RGPD3: variants seen among roughly 807,000 people sequenced by gnomAD.
RGPD3 encodes the protein RANBP2 like and GRIP domain containing 3, also known as ranBP2-like and GRIP domain-containing protein 3.
Under a neutral mutation model 154.5 loss-of-function variants are expected in RGPD3, and 62 were observed. That is an observed-to-expected ratio of 0.40 (90% CI 0.33 to 0.50). RGPD3 has a LOEUF of 0.50. Among genes scored for constraint, RGPD3 ranks in the 20% least tolerant of loss-of-function variants. The pLI is 0.59. For missense variants in RGPD3, 919 were observed against 1,716.8 expected (o/e 0.54, Z 8.21); for synonymous variants, 308 against 607.0 (o/e 0.51, Z 7.24).
At chr2:106,440,405 C>G (rs550122629) in intron 8 of RGPD3, among the ~76,000 whole-genome samples, 1 of 151,356 alleles carries the variant, frequency 6.6e-6, no homozygotes, top group Non-Finnish European at 1.5e-5. Context: ...TCGGGATGCC[C>G]AGATCAAAGA....
At chr2:106,470,849 G>T (rs1479048523), upstream of RGPD3, 24 of 1,602,886 alleles carry the variant, frequency 1.5e-5, 1 homozygote, top group South Asian at 2.0e-4. Flanking sequence ...GAGCACTAAC[G>T]CCATCTAGTG....
rs1573233111 is a variant in RGPD3, at chr2:106,405,221, A to C, written c.5275T>G (p.Ter1759GluextTer20). The change falls in exon 23 of 23, where the codon TAA (stop) becomes GAA (glutamate). Residue 1759 changes from the stop codon to glutamate (E), a stop_lost. Coordinates refer to ENST00000409886, the MANE Select transcript of RGPD3 (RefSeq NM_001144013.2). The stretch of plus-strand genomic sequence containing the variant: ...CATCCAGAAGAACGGGAAGCATTTT[A>C]TTCCTCACCTTTGGAAAGTAAAACA... ...KLAAVAQGEE[*>E] 24 of 1,609,442 alleles carry C rather than the reference A, an allele frequency of 1.5e-5. No homozygotes were observed. Among genetic ancestry groups the C allele is most frequent in the Non-Finnish European group, 2.0e-5 (23 of 1,178,816 alleles).
chr2:106,465,752 G>C lies in RGPD3; in HGVS notation c.72+2465C>G, dbSNP rs761814415. 1.1e-4 allele frequency among the ~76,000 whole-genome samples: 17 copies of C among 151,714 alleles called. 2 individuals are homozygous for C. The highest frequency in any genetic ancestry group is 6.3e-3 in the Middle Eastern group (2 of 316). ...AATTTTTTTTTTTTAAGCAAAGTCA[G>C]CTACCAAAGTGTTCCGGGCAGGGAG... On this transcript the variant is annotated intron_variant, in intron 1 of 22. Coordinates refer to ENST00000409886, the MANE Select transcript of RGPD3 (RefSeq NM_001144013.2).
chr2:106,437,974 C>A (rs1481808018), intron 9 of RGPD3, among the ~76,000 whole-genome samples: 1 of 152,228 alleles, frequency 6.6e-6, no homozygotes, highest in Non-Finnish European at 1.5e-5. Context: ...CTCTGTCGCC[C>A]AGGCTGTAGT....
upstream of RGPD3, among the ~76,000 whole-genome samples, chr2:106,470,517 T>C (rs1678787338): frequency 6.6e-6 from 1 of 151,966 alleles, no homozygotes; most frequent in Non-Finnish European, 1.5e-5. Context: ...GAGTCATGAG[T>C]CTTTCTTAAA....
At position 106,403,631 on chromosome 2, in the gene RGPD3, A is replaced by G. The variant is rs1432522798; in HGVS notation, c.*1588T>C. ...AATATATTTAAATATGATTAGTTAC[A>G]TCGTATGCAGCTGGCATACTCATAT... On this transcript the variant is annotated 3_prime_UTR_variant, in exon 23 of 23. Transcript: ENST00000409886. 2.6e-5 allele frequency among the ~76,000 whole-genome samples: 4 copies of G among 152,294 alleles called. No individual in the cohort carries two copies. Among genetic ancestry groups the G allele is most frequent in the East Asian group, 1.9e-4 (1 of 5,200 alleles).
In RGPD3 at chr2:106,405,109, T is replaced by C. The variant is rs1191439642; in HGVS notation, c.*110A>G. ...GAATGATGGTAATACACATGAACCA[T>C]TTTTGTAAATAGATTTTATTTGGTT... On this transcript the variant is annotated 3_prime_UTR_variant, in exon 23 of 23. Coordinates refer to ENST00000409886, the MANE Select transcript of RGPD3 (RefSeq NM_001144013.2). The C allele has an allele frequency of 1.3e-6, 2 of 1,515,850 alleles. No homozygotes were observed. Among genetic ancestry groups the C allele is most frequent in the African/African-American group, 2.8e-5 (2 of 71,512 alleles). The allele number at this position is 1,515,850 out of a possible 1,614,324, so 93.9% of individuals were successfully genotyped here.
chr2:106,440,304 T>TA (rs1282995978), intron 8 of RGPD3, among the ~76,000 whole-genome samples: 3 of 137,090 alleles, frequency 2.2e-5, no homozygotes, highest in South Asian at 2.4e-4. Flanking sequence ...TTGAACTTTT[T>TA]AAAAAAACCC....
intron 15 of RGPD3, 74 bp downstream of exon 15, chr2:106,434,154 A>C: frequency 1.3e-6 from 2 of 1,598,552 alleles, no homozygotes; most frequent in Non-Finnish European, 1.7e-6. Flanking sequence ...AAATTACCAA[A>C]ATATAAGACC....
intron 17 of RGPD3, among the ~76,000 whole-genome samples, chr2:106,432,679 GC>G (rs893163560): frequency 9.5e-6 from 1 of 104,808 alleles, no homozygotes; most frequent in Non-Finnish European, 1.9e-5. Flanking sequence ...TGGCTTCGTG[GC>G]AGGCTAAGCC....
intron 1 of RGPD3, among the ~76,000 whole-genome samples, chr2:106,465,583 A>T (rs1265796883): frequency 1.4e-5 from 2 of 138,602 alleles, no homozygotes; most frequent in East Asian, 2.2e-4. Context: ...AAGCTTGTTT[A>T]AAAAAAAAAA....
chr2:106,411,630 C>T (rs568859319), intron 22 of RGPD3, among the ~76,000 whole-genome samples: 54 of 151,030 alleles, frequency 3.6e-4, no homozygotes, highest in African/African-American at 1.3e-3. Context: ...AGATTGAGAC[C>T]ATCCTGGCCA....
intron 1 of RGPD3, among the ~76,000 whole-genome samples, chr2:106,467,968 G>A (rs1402026602): frequency 5.7e-5 from 8 of 140,238 alleles, no homozygotes; most frequent in African/African-American, 1.1e-4. Context: ...CATCGAGGCC[G>A]CCGCAGGGCC....
intron 1 of RGPD3, among the ~76,000 whole-genome samples, chr2:106,466,861 G>A (rs1197973299): frequency 2.0e-4 from 15 of 75,676 alleles, no homozygotes; most frequent in Admixed American, 4.0e-4. Flanking sequence ...GAGCCATGAC[G>A]CCTGAGCCAT....
At chr2:106,439,978 G>C (rs1338473414) in intron 8 of RGPD3, among the ~76,000 whole-genome samples, 222 of 89,586 alleles carry the variant, frequency 2.5e-3, no homozygotes, top group African/African-American at 8.1e-3. Context: ...ACTGATACAT[G>C]CTATAACACA....
In RGPD3 at chr2:106,441,863, C is replaced by CAAAAAAAAAAAAAA. The variant is rs1166971652; in HGVS notation, c.979-497_979-484dup. Among the ~76,000 whole-genome samples the CAAAAAAAAAAAAAA allele has an allele frequency of 1.0e-3, 14 of 13,638 alleles. 1 individual carries two copies. The highest frequency in any genetic ancestry group is 1.2e-3 in the Non-Finnish European group (10 of 8,118). The allele number at this position is 13,638 out of a possible 152,430, so 8.9% of individuals were successfully genotyped here. ...TGGGTGAAAGAGTGAGACTCCATCG[C>CAAAAAAAAAAAAAA]AAAAAAAAAAAAAAAAAAAAAAAAA... On this transcript the variant is annotated intron_variant, in intron 7 of 22. Transcript: ENST00000409886.
At position 106,412,725 on chromosome 2, in the gene RGPD3, G is replaced by C. The variant is rs201817847; in HGVS notation, c.5266+359C>G. The C allele has an allele frequency of 3.5e-4, 165 of 468,458 alleles. 1 individual carries two copies. The highest frequency in any genetic ancestry group is 2.0e-3 in the Middle Eastern group (3 of 1,508). The allele number at this position is 468,458 out of a possible 1,614,324, so 29.0% of individuals were successfully genotyped here. On this transcript the variant is annotated intron_variant, in intron 22 of 22. Transcript: ENST00000409886. Reference sequence around the variant, plus strand: ...ATTTGGGGTTGGAGGAAGGAAGAGGGGTGAAGTAGAAAAGGAACAAGCTAA... The same window carrying C: ...ATTTGGGGTTGGAGGAAGGAAGAGGCGTGAAGTAGAAAAGGAACAAGCTAA...
At chr2:106,454,659 G>C (rs1320521234) in intron 4 of RGPD3, among the ~76,000 whole-genome samples, 1 of 151,288 alleles carries the variant, frequency 6.6e-6, no homozygotes, top group Non-Finnish European at 1.5e-5. Context: ...AATCTTTAAA[G>C]AATGCTTCAA....
At position 106,468,336 on chromosome 2, in the gene RGPD3, C is replaced by G; in HGVS notation, c.-48G>C. 1 of 1,567,840 alleles carries G rather than the reference C, an allele frequency of 6.4e-7. No individual in the cohort carries two copies. The highest frequency in any genetic ancestry group is 1.4e-5 in the African/African-American group (1 of 74,026). ...AGATGCGTGAGACCAGCGCTCAGCCCCGCAGCAGTCGCCAATTCCAAGAGG... is the reference window on the plus strand; with the variant it reads ...AGATGCGTGAGACCAGCGCTCAGCCGCGCAGCAGTCGCCAATTCCAAGAGG... On this transcript the variant is annotated 5_prime_UTR_variant, in exon 1 of 23. Transcript: ENST00000409886.
Sources: gnomAD v4.1 joint callset for allele counts (sites outside exome capture counted in the v4.1 genomes callset) on GRCh38, gnomAD v4.1.1 for gene constraint, MANE v1.5 for transcripts, NCBI Gene and HGNC (gene_info 2026-07-23, HGNC 2026-07-21) for gene names.